KCNE4: variants seen among roughly 807,000 people sequenced by gnomAD.
KCNE4 encodes the protein potassium voltage-gated channel subfamily E member 4.
In KCNE4, 6 loss-of-function variants were observed where a neutral mutation model predicts 9.2. The ratio of observed to expected loss-of-function variants is 0.65; its 90% CI spans 0.36 to 1.29. The LOEUF is 1.29. Among genes scored for constraint, KCNE4 ranks in the 50% most tolerant of loss-of-function variants. KCNE4 has a pLI of 0.03. For missense variants in KCNE4, 222 were observed against 228.8 expected (o/e 0.97, Z 0.19); for synonymous variants, 115 against 103.2 (o/e 1.11, Z -0.70).
chr2:223,052,763 G>A (rs1698711967), intron 1 of KCNE4, 45 bp from the exon 2 acceptor site: 1 of 1,591,728 alleles, frequency 6.3e-7, no homozygotes. Flanking sequence ...ACCTCCCTGT[G>A]CCCAGGACCT....
rs948209551 is a variant in KCNE4 at position 223,052,827 on chromosome 2, C to T, written c.-4C>T. 2.5e-6 allele frequency: 4 copies of T among 1,610,368 alleles called. No individual in the cohort carries two copies. In the African/African-American group the frequency reaches 4.0e-5, roughly 16 times the overall value. On this transcript the variant is annotated 5_prime_UTR_variant, in exon 2 of 2. Transcript: ENST00000281830. Reference sequence around the variant, plus strand: ...CCCCAGCCCCTGCTGTGGAGGCAGCCTCAATGCTGAAAATGGAGCCTCTGA... The same window carrying T: ...CCCCAGCCCCTGCTGTGGAGGCAGCTTCAATGCTGAAAATGGAGCCTCTGA...
chr2:223,053,534 G>T lies in KCNE4; in HGVS notation c.*191G>T. The stretch of plus-strand genomic sequence containing the variant: ...CCAGCACCTCCAAGGAGTCCGGGAG[G>T]TGCCTGTGGTTTGCACCCACCACTG... On this transcript the variant is annotated 3_prime_UTR_variant, in exon 2 of 2. Transcript: ENST00000281830. The surrounding 1 kb of genome is among the most constrained non-coding windows in gnomAD (Gnocchi z 4.1). 1 of 648,642 alleles carries T rather than the reference G, an allele frequency of 1.5e-6. No homozygotes were observed. Among genetic ancestry groups the T allele is most frequent in the Non-Finnish European group, 2.8e-6 (1 of 360,520 alleles). 40.2% of individuals were successfully genotyped at this position (648,642 alleles called of 1,614,324 possible).
chr2:223,052,755 C>T (rs558001240), intron 1 of KCNE4, 53 bp from the exon 2 acceptor site: 2 of 1,581,720 alleles, frequency 1.3e-6, no homozygotes, highest in South Asian at 1.1e-5. Flanking sequence ...GCTCCCCCAC[C>T]TCCCTGTGCC....
Position 223,055,504 on chromosome 2 carries a change from A to C in KCNE4, c.*2161A>C, listed in dbSNP as rs1698754108. On this transcript the variant is annotated 3_prime_UTR_variant, in exon 2 of 2. Coordinates refer to ENST00000281830, the MANE Select transcript of KCNE4 (RefSeq NM_080671.4). ...GCAAGTCTCTCTGCACCTATTAAAA[A>C]GTGATGTATATACTTCCTTCTTATT... The C allele has an allele frequency of 6.0e-6, 1 of 167,092 alleles. No individual in the cohort carries two copies. The highest frequency in any genetic ancestry group is 2.1e-4 in the South Asian group (1 of 4,832). 10.4% of individuals were successfully genotyped at this position (167,092 alleles called of 1,614,324 possible). A position where few individuals can be genotyped will look rare whatever the true frequency, so the allele number is the denominator to read the frequency against.
rs1260201988 is a variant in KCNE4, at chr2:223,055,541, T to C, written c.*2198T>C. The stretch of plus-strand genomic sequence containing the variant: ...ACTTCCTTCTTATTCTGTTGAGTTG[T>C]ATAGAATTGTCTTTTGTATTTAACA... On this transcript the variant is annotated 3_prime_UTR_variant, in exon 2 of 2. Coordinates refer to ENST00000281830, the MANE Select transcript of KCNE4 (RefSeq NM_080671.4). 1.2e-5 allele frequency: 2 copies of C among 167,084 alleles called. No individual in the cohort carries two copies. The highest frequency in any genetic ancestry group is 1.3e-4 in the Admixed American group (2 of 15,294). 10.4% of individuals were successfully genotyped at this position (167,084 alleles called of 1,614,324 possible).
Position 223,053,425 on chromosome 2 carries a change from C to T in KCNE4, c.*82C>T. On this transcript the variant is annotated 3_prime_UTR_variant, in exon 2 of 2. Transcript: ENST00000281830. This position sits in a 1 kb window ranked among gnomAD's most constrained non-coding sequence, Gnocchi z 4.1. ...GACAGTTTTCAAGTGTCTGGTTTCA[C>T]TTTCACAGTGCGGCTGCCACTTTGA... 1 of 1,378,790 alleles carries T rather than the reference C, an allele frequency of 7.3e-7. No individual in the cohort carries two copies. The highest frequency in any genetic ancestry group is 1.0e-6 in the Non-Finnish European group (1 of 988,620). The allele number at this position is 1,378,790 out of a possible 1,614,324, so 85.4% of individuals were successfully genotyped here.
rs1360435701 is a variant in KCNE4, at chr2:223,053,298, C to T, written c.468C>T (p.Asn156=). ...ELEETSETPL[N]ESSEGSSENI... is the part of the protein sequence containing the mutation. ...AGGAGACCTCGGAGACGCCCCTCAA[C>T]GAGAGCAGCGAAGGGTCCTCGGAGA... is the stretch of plus-strand genomic sequence containing the variant. Residue 156 remains asparagine, a synonymous_variant, in exon 2 of 2, where the codon AAC becomes AAT. Transcript: ENST00000281830. This position sits in a 1 kb window ranked among gnomAD's most constrained non-coding sequence, Gnocchi z 4.1. 3.7e-6 allele frequency: 6 copies of T among 1,613,916 alleles called. No individual in the cohort carries two copies. Among genetic ancestry groups the T allele is most frequent in the South Asian group, 2.2e-5 (2 of 91,076 alleles).
chr2:223,052,796 CT>C lies in KCNE4; in HGVS notation c.-23-7del. On this transcript the variant is annotated splice_polypyrimidine_tract_variant and intron_variant, in intron 1 of 1. Transcript: ENST00000281830. ...CCTGGGGGAGAGTTCTAACCTGCGG[CT>C]TTTTCCCCAGCCCCTGCTGTGGAGG... 1.9e-6 allele frequency: 3 copies of C among 1,604,702 alleles called. No homozygotes were observed. Among genetic ancestry groups the C allele is most frequent in the Non-Finnish European group, 8.5e-7 (1 of 1,179,796 alleles).
In KCNE4 at chr2:223,053,128, C is replaced by A. The variant is rs1698720551; in HGVS notation, c.298C>A (p.Leu100Met). 1.2e-6 allele frequency: 2 copies of A among 1,613,288 alleles called. No individual in the cohort carries two copies. Among genetic ancestry groups the A allele is most frequent in the Non-Finnish European group, 1.7e-6 (2 of 1,179,536 alleles). The change falls in exon 2 of 2, where the codon CTG becomes ATG. Residue 100 changes from leucine to methionine, a missense_variant. Coordinates refer to ENST00000281830, the MANE Select transcript of KCNE4 (RefSeq NM_080671.4). This position sits in a 1 kb window ranked among gnomAD's most constrained non-coding sequence, Gnocchi z 4.1. Reference sequence around the variant, plus strand: ...GGGCCTGAGGTCGGTGCAGGTGCCCCTGATGCTGAACATGCTGCAGGAGAG... The same window carrying A: ...GGGCCTGAGGTCGGTGCAGGTGCCCATGATGCTGAACATGCTGCAGGAGAG... ...VSGLRSVQVP[L>M]MLNMLQESVA...
Position 223,053,528 on chromosome 2 carries a change from C to T in KCNE4, c.*185C>T, listed in dbSNP as rs1698726761. 3 of 658,660 alleles carry T rather than the reference C, an allele frequency of 4.6e-6. No homozygotes were observed. Among genetic ancestry groups the T allele is most frequent in the Admixed American group, 2.6e-5 (1 of 38,828 alleles). The allele number at this position is 658,660 out of a possible 1,614,324, so 40.8% of individuals were successfully genotyped here. ...CCGGAACCAGCACCTCCAAGGAGTC[C>T]GGGAGGTGCCTGTGGTTTGCACCCA... On this transcript the variant is annotated 3_prime_UTR_variant, in exon 2 of 2. Transcript: ENST00000281830. The surrounding 1 kb of genome is among the most constrained non-coding windows in gnomAD (Gnocchi z 4.1).
rs377154931 is a variant in KCNE4 at position 223,052,968 on chromosome 2, C to T, written c.138C>T (p.Tyr46=). 4.3e-6 allele frequency: 7 copies of T among 1,614,212 alleles called. No individual in the cohort carries two copies. The Admixed American group carries it at 8.3e-5, about 19-fold the overall frequency. Residue 46 remains tyrosine, a synonymous_variant, in exon 2 of 2, where the codon TAC becomes TAT. Transcript: ENST00000281830. ...YFYILVVMSF[Y]GIFLIGIMLG... is the part of the protein sequence containing the mutation. ...ACATTCTGGTTGTCATGTCCTTCTA[C>T]GGCATTTTCTTGATCGGAATCATGC...
Position 223,053,262 on chromosome 2 carries a change from C to T in KCNE4, c.432C>T (p.Asp144=). 1.9e-6 allele frequency: 3 copies of T among 1,613,980 alleles called. No individual in the cohort carries two copies. The highest frequency in any genetic ancestry group is 1.7e-6 in the Non-Finnish European group (2 of 1,180,010). Residue 144 remains aspartate (D), a synonymous_variant, in exon 2 of 2, where the codon GAC becomes GAT. Coordinates refer to ENST00000281830, the MANE Select transcript of KCNE4 (RefSeq NM_080671.4). The surrounding 1 kb of genome is among the most constrained non-coding windows in gnomAD (Gnocchi z 4.1). ...VHLTIQEEGA[D]DELEETSETP... ...TCACCATTCAGGAGGAGGGGGCAGA[C>T]GATGAGCTGGAGGAGACCTCGGAGA... is the stretch of plus-strand genomic sequence containing the variant.
chr2:223,053,637 A>C lies in KCNE4; in HGVS notation c.*294A>C. ...GGGGTTCTGATCAGAATTTGGCGGG[A>C]TGATATGTTTGCCATTTTCTCACTG... On this transcript the variant is annotated 3_prime_UTR_variant, in exon 2 of 2. Transcript: ENST00000281830. This position sits in a 1 kb window ranked among gnomAD's most constrained non-coding sequence, Gnocchi z 4.1. 1 of 464,284 alleles carries C rather than the reference A, an allele frequency of 2.2e-6. No homozygotes were observed. The highest frequency in any genetic ancestry group is 2.5e-5 in the South Asian group (1 of 39,410). The allele number at this position is 464,284 out of a possible 1,614,324, so 28.8% of individuals were successfully genotyped here. A position where few individuals can be genotyped will look rare whatever the true frequency, so the allele number is the denominator to read the frequency against.
rs769637545 is a variant in KCNE4 at position 223,053,367 on chromosome 2, G to A, written c.*24G>A. 14 of 1,601,130 alleles carry A rather than the reference G, an allele frequency of 8.7e-6. No individual in the cohort carries two copies. Among genetic ancestry groups the A allele is most frequent in the Non-Finnish European group, 1.2e-5 (14 of 1,171,566 alleles). On this transcript the variant is annotated 3_prime_UTR_variant, in exon 2 of 2. Coordinates refer to ENST00000281830, the MANE Select transcript of KCNE4 (RefSeq NM_080671.4). This position sits in a 1 kb window ranked among gnomAD's most constrained non-coding sequence, Gnocchi z 4.1. ...AGCACCCCCGGGACCCCTGCCGGTG[G>A]CTCCATCAGCCAGCAACCTTAGAGA...
rs190526737 is a variant in KCNE4 at position 223,055,622 on chromosome 2, C to T, written c.*2279C>T. ...AAATAAATAAACACATTTTTTCCCT[C>T]CTGGGAAGTCATGAATTCTTTGTTT... On this transcript the variant is annotated 3_prime_UTR_variant, in exon 2 of 2. Coordinates refer to ENST00000281830, the MANE Select transcript of KCNE4 (RefSeq NM_080671.4). The T allele has an allele frequency of 1.7e-4, 27 of 161,646 alleles. No homozygotes were observed. The East Asian group carries it at 4.8e-3, about 29-fold the overall frequency. The allele number at this position is 161,646 out of a possible 1,614,324, so 10.0% of individuals were successfully genotyped here.
At chr2:223,052,297 T>C (rs1453579093) in intron 1 of KCNE4, 23 bp downstream of exon 1, 3 of 1,237,842 alleles carry the variant, frequency 2.4e-6, no homozygotes, top group African/African-American at 1.5e-5. Flanking sequence ...GGCTACACTT[T>C]GCTTTCAGAA....
rs1698739529 is a variant in KCNE4, at chr2:223,054,543, A to C, written c.*1200A>C. 6.0e-6 allele frequency: 1 copy of C among 167,042 alleles called. No homozygotes were observed. Among genetic ancestry groups the C allele is most frequent in the Admixed American group, 6.5e-5 (1 of 15,276 alleles). The allele number at this position is 167,042 out of a possible 1,614,324, so 10.3% of individuals were successfully genotyped here. Reference sequence around the variant, plus strand: ...TCTGCTGATTTAAAGGAGCAGTTGGAGATTCAGAACACATATAACTGGGGA... The same window carrying C: ...TCTGCTGATTTAAAGGAGCAGTTGGCGATTCAGAACACATATAACTGGGGA... On this transcript the variant is annotated 3_prime_UTR_variant, in exon 2 of 2. Transcript: ENST00000281830.
Position 223,052,904 on chromosome 2 carries a change from C to T in KCNE4, c.74C>T (p.Ala25Val), listed in dbSNP as rs749148862. Residue 25 changes from alanine to valine, a missense_variant, in exon 2 of 2, where the codon GCG (alanine) becomes GTG (valine). Ala to Val is a moderately conservative substitution (Grantham distance 64, BLOSUM62 0). Transcript: ENST00000281830. The stretch of plus-strand genomic sequence containing the variant: ...TCCAGCAGCCCCCTGGAGTCCCGTG[C>T]GGCCGGCGGCGGCAGCGGCAATGGC... The part of the protein sequence containing the change: ...AASSSPLESR[A>V]AGGGSGNGNE... The T allele has an allele frequency of 5.0e-6, 8 of 1,613,814 alleles. No homozygotes were observed. The East Asian group carries it at 8.9e-5, about 18-fold the overall frequency.
At position 223,053,562 on chromosome 2, in the gene KCNE4, A is replaced by G; in HGVS notation, c.*219A>G. 3.3e-6 allele frequency: 2 copies of G among 600,730 alleles called. No individual in the cohort carries two copies. The highest frequency in any genetic ancestry group is 3.0e-6 in the Non-Finnish European group (1 of 328,296). The allele number at this position is 600,730 out of a possible 1,614,324, so 37.2% of individuals were successfully genotyped here. A position where few individuals can be genotyped will look rare whatever the true frequency, so the allele number is the denominator to read the frequency against. ...CCTGTGGTTTGCACCCACCACTGAA[A>G]AAGCCGCGGAGATGCGCAGCGCGTA... On this transcript the variant is annotated 3_prime_UTR_variant, in exon 2 of 2. Transcript: ENST00000281830. This position sits in a 1 kb window ranked among gnomAD's most constrained non-coding sequence, Gnocchi z 4.1.
Sources: gnomAD v4.1 joint callset for allele counts on GRCh38, gnomAD v4.1.1 for gene constraint, Gnocchi (gnomAD v3.1) non-coding constraint, MANE v1.5 for transcripts, NCBI Gene and HGNC (gene_info 2026-07-23, HGNC 2026-07-21) for gene names.